TGS1: variants seen among roughly 807,000 people sequenced by gnomAD.
The protein encoded by TGS1 is trimethylguanosine synthase 1.
Under a neutral mutation model 92.2 loss-of-function variants are expected in TGS1, and 69 were observed. That is an observed-to-expected ratio of 0.75 (90% CI 0.62 to 0.91). The LOEUF is 0.91. Ranked by LOEUF, TGS1 falls within the 40% of genes least tolerant of loss-of-function variation. TGS1 has a pLI of 0.00. For synonymous variants in TGS1, 345 were observed against 338.1 expected, an observed-to-expected ratio of 1.02 and a Z score of -0.22; for missense variants, 1,062 against 1,001.2, an observed-to-expected ratio of 1.06 and a Z score of -0.82.
Position 55,802,535 on chromosome 8 carries a change from A to G in TGS1, c.1928A>G (p.Glu643Gly), listed in dbSNP as rs1179604116. ...CCTCCTGAAATAGCTGCTGTTCCTGAGCTGGCAAAATACTGGGCCCAGAGG... is the reference window on the plus strand; with the variant it reads ...CCTCCTGAAATAGCTGCTGTTCCTGGGCTGGCAAAATACTGGGCCCAGAGG... ...GLPPEIAAVPELAKYWAQRYR... is the reference protein window; with the variant it reads ...GLPPEIAAVPGLAKYWAQRYR... Residue 643 changes from glutamate (E) to glycine (G), a missense_variant, in exon 9 of 13, where the codon GAG becomes GGG. By Grantham distance (98) the Glu-to-Gly change is moderately conservative. Transcript: ENST00000260129. 16 of 1,614,020 alleles carry G rather than the reference A, an allele frequency of 9.9e-6. No homozygotes were observed. Among genetic ancestry groups the G allele is most frequent in the Non-Finnish European group, 1.3e-5 (15 of 1,180,004 alleles).
At chr8:55,792,190 G>A (rs1029153915) in intron 5 of TGS1, among the ~76,000 whole-genome samples, 10 of 152,146 alleles carry the variant, frequency 6.6e-5, no homozygotes, top group African/African-American at 9.7e-5. Context: ...GATGGTCACT[G>A]GTTACTAAAA....
At chr8:55,797,519 C>T (rs1812093830) in intron 7 of TGS1, among the ~76,000 whole-genome samples, 1 of 152,172 alleles carries the variant, frequency 6.6e-6, no homozygotes, top group Non-Finnish European at 1.5e-5. Flanking sequence ...CAGAAGTGAT[C>T]AGTCACAGTT....
intron 6 of TGS1, 48 bp downstream of exon 6, chr8:55,792,832 A>G: frequency 7.7e-7 from 1 of 1,304,746 alleles, no homozygotes; most frequent in Non-Finnish European, 1.1e-6. Context: ...TAACCACTTC[A>G]ACTATCTTAG....
At chr8:55,776,840 G>T (rs1018153886) in intron 1 of TGS1, among the ~76,000 whole-genome samples, 6 of 152,148 alleles carry the variant, frequency 3.9e-5, no homozygotes, top group African/African-American at 1.4e-4. Flanking sequence ...CACAGGCTCT[G>T]AGTGAGCTCT....
chr8:55,816,143 C>A (rs1269499875), intron 12 of TGS1, among the ~76,000 whole-genome samples: 1 of 152,034 alleles, frequency 6.6e-6, no homozygotes, highest in African/African-American at 2.4e-5. Context: ...CTGCTTGATG[C>A]CTGTATCTTG....
At chr8:55,775,134 G>A (rs1467128655) in intron 1 of TGS1, among the ~76,000 whole-genome samples, 1 of 151,964 alleles carries the variant, frequency 6.6e-6, no homozygotes, top group Non-Finnish European at 1.5e-5. Context: ...CATGCTTGTA[G>A]TCCCAGCTAC....
At position 55,790,217 on chromosome 8, in the gene TGS1, G is replaced by T; in HGVS notation, c.1198G>T (p.Asp400Tyr). Residue 400 changes from aspartate (D) to tyrosine (Y), a missense_variant, in exon 5 of 13, where the codon GAC becomes TAC. By Grantham distance (160) the Asp-to-Tyr change is radical. Coordinates refer to ENST00000260129, the MANE Select transcript of TGS1 (RefSeq NM_024831.8). ...GTCTTCAGGAGCAAACACAAGCAAA[G>T]ACAGACCACATGCCAGTGGTACTGA... ...QKSSGANTSK[D>Y]RPHASGTDGD... 1 of 1,614,024 alleles carries T rather than the reference G, an allele frequency of 6.2e-7. No individual in the cohort carries two copies. The highest frequency in any genetic ancestry group is 8.5e-7 in the Non-Finnish European group (1 of 1,179,938).
At chr8:55,775,337 T>C (rs1284001967) in intron 1 of TGS1, among the ~76,000 whole-genome samples, 2 of 152,202 alleles carry the variant, frequency 1.3e-5, no homozygotes, top group East Asian at 3.9e-4. Flanking sequence ...CCGCAGGACT[T>C]TGTAGACTAT....
At chr8:55,804,867 C>T in intron 9 of TGS1, 26 bp from the exon 10 acceptor site, 3 of 1,607,654 alleles carry the variant, frequency 1.9e-6, no homozygotes, top group Non-Finnish European at 1.7e-6. Context: ...ATTGAACATG[C>T]TAACACAAAT....
chr8:55,791,869 A>G (rs1368599053), intron 5 of TGS1, among the ~76,000 whole-genome samples: 2 of 152,238 alleles, frequency 1.3e-5, no homozygotes, highest in African/African-American at 2.4e-5. Flanking sequence ...ATGTAGTCAG[A>G]TGCTAACACT....
At chr8:55,813,216 G>A in intron 12 of TGS1, 98 bp downstream of exon 12, 2 of 855,050 alleles carry the variant, frequency 2.3e-6, no homozygotes, top group Non-Finnish European at 3.7e-6. Context: ...ATGTGTTTAT[G>A]AGAAGTCCCT....
chr8:55,776,275 G>A (rs957748441), intron 1 of TGS1, among the ~76,000 whole-genome samples: 1 of 144,196 alleles, frequency 6.9e-6, no homozygotes, highest in Non-Finnish European at 1.5e-5. Flanking sequence ...TCTTCACGGT[G>A]TCTTTTTTTT....
At chr8:55,781,667 C>A (rs1811565589) in intron 1 of TGS1, among the ~76,000 whole-genome samples, 1 of 152,204 alleles carries the variant, frequency 6.6e-6, no homozygotes, top group Non-Finnish European at 1.5e-5. Context: ...GCACGTCACC[C>A]CCTTGCCTGT....
rs1258217256 is a variant in TGS1, at chr8:55,796,133, A to G, written c.1523A>G (p.Lys508Arg). ...GAGTCAGAAAAACCATTTTTCAAGAAAAGCAAAATTCTGAGTAAGGTATGT... is the reference window on the plus strand; with the variant it reads ...GAGTCAGAAAAACCATTTTTCAAGAGAAGCAAAATTCTGAGTAAGGTATGT... ...TKESEKPFFK[K>R]SKILSKVEKF... is the part of the protein sequence containing the mutation. Residue 508 changes from lysine (K) to arginine (R), a missense_variant, in exon 7 of 13, where the codon AAA (lysine) becomes AGA (arginine). Transcript: ENST00000260129. 2.5e-6 allele frequency: 4 copies of G among 1,610,808 alleles called. No individual in the cohort carries two copies. In the African/African-American group the frequency reaches 4.0e-5, roughly 16 times the overall value.
rs763415092 is a variant in TGS1 at position 55,787,880 on chromosome 8, GGCAAGAGAGAGA to G, written c.1162+832_1162+843del. Among the ~76,000 whole-genome samples the G allele has an allele frequency of 4.6e-5, 7 of 152,032 alleles. No homozygotes were observed. The South Asian group carries it at 1.3e-3, about 27-fold the overall frequency. ...TGAAAGGGGCATAGGCATGCCACAT[GGCAAGAGAGAGA>G]GCAAGAGAGAGGGGGGAGGTCCCAG... On this transcript the variant is annotated intron_variant, in intron 4 of 12. Transcript: ENST00000260129.
In TGS1 at chr8:55,806,936, CT is replaced by C. The variant is rs201823633; in HGVS notation, c.2143+1909del. Among the ~76,000 whole-genome samples the C allele has an allele frequency of 3.4e-5, 5 of 145,812 alleles. No homozygotes were observed. The East Asian group carries it at 8.0e-4, about 23-fold the overall frequency. ...ATTTATTTATTTAATTTTTTTTTTT[CT>C]TTTTTTTTGAGACGGGGTCTCACTC... On this transcript the variant is annotated intron_variant, in intron 10 of 12. Transcript: ENST00000260129.
chr8:55,806,264 G>C (rs1411864886), intron 10 of TGS1, among the ~76,000 whole-genome samples: 1 of 146,882 alleles, frequency 6.8e-6, no homozygotes, highest in African/African-American at 2.5e-5. Context: ...GCTGAGACAA[G>C]AGAATCGCAT....
At position 55,799,239 on chromosome 8, in the gene TGS1, C is replaced by A; in HGVS notation, c.1849+19C>A. 1 of 1,569,956 alleles carries A rather than the reference C, an allele frequency of 6.4e-7. No individual in the cohort carries two copies. Among genetic ancestry groups the A allele is most frequent in the South Asian group, 1.2e-5 (1 of 84,002 alleles). The stretch of plus-strand genomic sequence containing the variant: ...ACTGAAGGTAACACTAAATATGCTT[C>A]AACTTGCTAATGGATTTAGATAAAA... On this transcript the variant is annotated intron_variant, in intron 8 of 12. Coordinates refer to ENST00000260129, the MANE Select transcript of TGS1 (RefSeq NM_024831.8).
intron 4 of TGS1, among the ~76,000 whole-genome samples, 198 bp downstream of exon 4, chr8:55,787,258 CA>C (rs1250568499): frequency 6.6e-6 from 1 of 152,150 alleles, no homozygotes; most frequent in Non-Finnish European, 1.5e-5. Flanking sequence ...ATGCAGTTCT[CA>C]AAAGTATCAT....
Sources: gnomAD v4.1 joint callset for allele counts (sites outside exome capture counted in the v4.1 genomes callset) on GRCh38, gnomAD v4.1.1 for gene constraint, MANE v1.5 for transcripts, NCBI Gene and HGNC (gene_info 2026-07-23, HGNC 2026-07-21) for gene names.